MTHFD1L: variants seen among roughly 807,000 people sequenced by gnomAD.
MTHFD1L encodes the protein methylenetetrahydrofolate dehydrogenase (NADP+ dependent) 1 like.
In MTHFD1L, 81 loss-of-function variants were observed where a neutral mutation model predicts 119.5. That is an observed-to-expected ratio of 0.68 (90% CI 0.57 to 0.82). MTHFD1L has a LOEUF of 0.82. Ranked by LOEUF, MTHFD1L falls within the 40% of genes least tolerant of loss-of-function variation. The pLI is 0.00. For missense variants in MTHFD1L, 1,125 were observed against 1,253.4 expected, an observed-to-expected ratio of 0.90 and a Z score of 1.55; for synonymous variants, 430 against 475.2, an observed-to-expected ratio of 0.90 and a Z score of 1.24.
chr6:150,978,805 T>G (rs946592893), intron 20 of MTHFD1L, among the ~76,000 whole-genome samples: 5 of 152,152 alleles, frequency 3.3e-5, no homozygotes, highest in African/African-American at 1.2e-4. Context: ...TGATGATACA[T>G]GTCCACGATC....
chr6:150,922,341 C>A (rs1789101388), intron 10 of MTHFD1L, 39 bp downstream of exon 10: 1 of 1,540,454 alleles, frequency 6.5e-7, no homozygotes, highest in Non-Finnish European at 9.0e-7. Context: ...GTCAGCTCAG[C>A]ACAGTGCCTT....
At chr6:150,882,384 A>G (rs1311671387) in intron 4 of MTHFD1L, among the ~76,000 whole-genome samples, 1 of 152,178 alleles carries the variant, frequency 6.6e-6, no homozygotes, top group Admixed American at 6.6e-5. Context: ...CCTTCCTGAA[A>G]ACTGGCAGTG....
chr6:150,998,820 T>TAAAA (rs1780177164), intron 20 of MTHFD1L, among the ~76,000 whole-genome samples: 1 of 54,754 alleles, frequency 1.8e-5, no homozygotes, highest in African/African-American at 9.7e-5. Flanking sequence ...CCTCTAAAAA[T>TAAAA]ACAAAAAAAA....
At chr6:151,018,535 A>G (rs780195570) in intron 24 of MTHFD1L, among the ~76,000 whole-genome samples, 2 of 152,188 alleles carry the variant, frequency 1.3e-5, no homozygotes, top group Non-Finnish European at 2.9e-5. Context: ...CTAAAGCACG[A>G]AGAGACTAAG....
At chr6:151,049,368 T>C (rs1788630424) in intron 26 of MTHFD1L, among the ~76,000 whole-genome samples, 1 of 152,104 alleles carries the variant, frequency 6.6e-6, no homozygotes, top group African/African-American at 2.4e-5. Flanking sequence ...GGCAGACGCC[T>C]GTAGTCCCAG....
In MTHFD1L at chr6:150,876,147, C is replaced by T. The variant is rs1349315346; in HGVS notation, c.285C>T (p.Ala95=). 3 of 1,601,594 alleles carry T rather than the reference C, an allele frequency of 1.9e-6. No individual in the cohort carries two copies. In the African/African-American group the frequency reaches 4.0e-5, roughly 22 times the overall value. ...GTTTATTGCAAGAAAAAAACCCTGC[C>T]TTCAAGCCGGTTCTTGCAATTATCC... ...VLSLLQEKNP[A]FKPVLAIIQA... is the part of the protein sequence containing the mutation. The change falls in exon 2 of 28, where the codon GCC becomes GCT. Residue 95 remains alanine, a synonymous_variant. Transcript: ENST00000367321.
intron 24 of MTHFD1L, among the ~76,000 whole-genome samples, chr6:151,028,814 G>A (rs1269924758): frequency 6.6e-6 from 1 of 152,126 alleles, no homozygotes; most frequent in Non-Finnish European, 1.5e-5. Context: ...GGTAGCTTGC[G>A]GCTGTAATCC....
intron 10 of MTHFD1L, among the ~76,000 whole-genome samples, chr6:150,922,525 T>G (rs1789134388): frequency 6.6e-6 from 1 of 152,168 alleles, no homozygotes; most frequent in African/African-American, 2.4e-5. Flanking sequence ...GCATATTTTT[T>G]TATTTCAATG....
At chr6:150,906,572 C>A (rs1014079323) in intron 8 of MTHFD1L, among the ~76,000 whole-genome samples, 1 of 152,242 alleles carries the variant, frequency 6.6e-6, no homozygotes, top group African/African-American at 2.4e-5. Context: ...GCCCCTCTTC[C>A]TGATTCCTTC....
chr6:150,957,638 A>G (rs1390718301), intron 17 of MTHFD1L, among the ~76,000 whole-genome samples: 2 of 152,164 alleles, frequency 1.3e-5, no homozygotes, highest in Non-Finnish European at 2.9e-5. Context: ...ATGGTTGCAT[A>G]TATTTGGTCC....
chr6:151,040,786 T>A (rs1279679796), intron 26 of MTHFD1L, among the ~76,000 whole-genome samples: 1 of 152,166 alleles, frequency 6.6e-6, no homozygotes, highest in Middle Eastern at 3.2e-3. Context: ...ACAATGTGAA[T>A]CTCCTCTCAC....
At chr6:150,866,289 A>G (rs1156784688) in intron 1 of MTHFD1L, 1 of 1,471,974 alleles carries the variant, frequency 6.8e-7, no homozygotes. Flanking sequence ...GGGCGTGGGC[A>G]TCTCCAATGG....
chr6:151,053,285 A>T (rs915819235), intron 26 of MTHFD1L, among the ~76,000 whole-genome samples: 3 of 152,116 alleles, frequency 2.0e-5, no homozygotes, highest in African/African-American at 7.2e-5. Context: ...GGCATGGTTG[A>T]CACTACCTCC....
chr6:150,915,968 T>A (rs1787789592), intron 8 of MTHFD1L, among the ~76,000 whole-genome samples: 1 of 152,164 alleles, frequency 6.6e-6, no homozygotes, highest in African/African-American at 2.4e-5. Flanking sequence ...GTGGACACGA[T>A]CTTAAGTACA....
intron 6 of MTHFD1L, 90 bp downstream of exon 6, chr6:150,885,824 A>C (rs962839366): frequency 4.1e-6 from 4 of 965,782 alleles, no homozygotes; most frequent in Non-Finnish European, 6.2e-6. Flanking sequence ...AGAATTAAAA[A>C]TTTTTTTAAA....
chr6:150,905,583 A>T (rs1012416028), intron 7 of MTHFD1L, 67 bp from the exon 8 acceptor site: 15 of 1,127,548 alleles, frequency 1.3e-5, no homozygotes, highest in Non-Finnish European at 1.9e-5. Flanking sequence ...CTCATTTGAC[A>T]TCAGTAGTTA....
At chr6:151,045,902 A>T (rs1408400202) in intron 26 of MTHFD1L, among the ~76,000 whole-genome samples, 2 of 152,180 alleles carry the variant, frequency 1.3e-5, no homozygotes, top group Non-Finnish European at 2.9e-5. Flanking sequence ...TCTGTCCCAT[A>T]GGGAAGGAGT....
At chr6:150,921,653 TCCTCCCA>T (rs1788961356) in intron 9 of MTHFD1L, among the ~76,000 whole-genome samples, 1 of 151,938 alleles carries the variant, frequency 6.6e-6, no homozygotes, top group Non-Finnish European at 1.5e-5. Flanking sequence ...GCTCAAACAA[TCCTCCCA>T]CCTCAGCCTC....
At chr6:151,076,833 T>C (rs1792579636) in intron 26 of MTHFD1L, among the ~76,000 whole-genome samples, 1 of 152,142 alleles carries the variant, frequency 6.6e-6, no homozygotes, top group African/African-American at 2.4e-5. Flanking sequence ...TTTCTAAATA[T>C]TTACCCAAGA....
Sources: allele counts gnomAD v4.1 joint callset (sites outside exome capture counted in the v4.1 genomes callset), GRCh38; gene constraint gnomAD v4.1.1; transcripts MANE v1.5; gene names NCBI Gene and HGNC (gene_info 2026-07-23, HGNC 2026-07-21).